Variants in ZFAND3 observed in about 807,000 individuals in gnomAD.
The protein encoded by ZFAND3 is AN1-type zinc finger protein 3.
In ZFAND3, 10 loss-of-function variants were observed where a neutral mutation model predicts 29.6. The ratio of observed to expected loss-of-function variants is 0.34; its 90% confidence interval spans 0.21 to 0.57. ZFAND3 has a LOEUF of 0.57. ZFAND3 is among the 20% of genes least tolerant of loss of function. The pLI is 0.86. For synonymous variants in ZFAND3, 128 were observed against 112.6 expected (o/e 1.14, Z -0.87); for missense variants, 230 against 304.5 (o/e 0.76, Z 1.82).
At chr6:37,889,672 C>G (rs993201330) in intron 1 of ZFAND3, among the ~76,000 whole-genome samples, 3 of 152,146 alleles carry the variant, frequency 2.0e-5, no homozygotes, top group African/African-American at 7.2e-5. Flanking sequence ...TATGACTCCT[C>G]TTGGTGAGTC....
At chr6:37,938,507 T>C (rs1467833976) in intron 2 of ZFAND3, among the ~76,000 whole-genome samples, 1 of 152,186 alleles carries the variant, frequency 6.6e-6, no homozygotes, top group African/African-American at 2.4e-5. Flanking sequence ...CTCTCTCTCT[T>C]TTTTTCAGCA....
chr6:38,027,890 C>T (rs1390088468), intron 2 of ZFAND3, among the ~76,000 whole-genome samples: 1 of 152,146 alleles, frequency 6.6e-6, no homozygotes, highest in African/African-American at 2.4e-5. Flanking sequence ...TCATGACTGC[C>T]CTGCTATGGA....
At chr6:38,130,683 T>C (rs1209451847) in intron 5 of ZFAND3, among the ~76,000 whole-genome samples, 3 of 152,236 alleles carry the variant, frequency 2.0e-5, no homozygotes, top group African/African-American at 7.2e-5. Context: ...TGGTGGATTA[T>C]CTTTTTGATA....
intron 1 of ZFAND3, among the ~76,000 whole-genome samples, chr6:37,905,920 C>T (rs895033121): frequency 4.6e-5 from 7 of 151,790 alleles, no homozygotes; most frequent in Non-Finnish European, 7.4e-5. Context: ...TTTTGACATA[C>T]CTATAATATG....
At chr6:38,050,104 G>A (rs574679294) in intron 2 of ZFAND3, among the ~76,000 whole-genome samples, 2 of 151,516 alleles carry the variant, frequency 1.3e-5, no homozygotes, top group South Asian at 4.2e-4. Flanking sequence ...ACAGGTGCAC[G>A]TCACCACGCC....
At chr6:38,134,755 T>C (rs1280412848) in intron 5 of ZFAND3, among the ~76,000 whole-genome samples, 1 of 152,232 alleles carries the variant, frequency 6.6e-6, no homozygotes, top group Non-Finnish European at 1.5e-5. Flanking sequence ...CCTCAGCTGC[T>C]GGGGCCTGGA....
At chr6:37,862,846 GA>G (rs930133005) in intron 1 of ZFAND3, among the ~76,000 whole-genome samples, 3 of 148,152 alleles carry the variant, frequency 2.0e-5, no homozygotes, top group East Asian at 2.0e-4. Context: ...ATTTTGCTGG[GA>G]AAAAAAAATG....
intron 1 of ZFAND3, among the ~76,000 whole-genome samples, chr6:37,848,513 G>A (rs1764222565): frequency 6.6e-6 from 1 of 152,340 alleles, no homozygotes; most frequent in African/African-American, 2.4e-5. Flanking sequence ...TTCTGCCTAT[G>A]TGCACTATTT....
intron 4 of ZFAND3, among the ~76,000 whole-genome samples, chr6:38,085,138 G>T (rs1475977515): frequency 3.3e-5 from 5 of 152,162 alleles, no homozygotes; most frequent in Non-Finnish European, 1.5e-5. Flanking sequence ...TATTTTGCTG[G>T]AATGTTCTTT....
chr6:37,972,649 C>CTA (rs1465455225), intron 2 of ZFAND3, among the ~76,000 whole-genome samples: 1 of 151,760 alleles, frequency 6.6e-6, no homozygotes, highest in African/African-American at 2.4e-5. Context: ...GGACCAGGTG[C>CTA]TATACTTTAT....
At chr6:37,934,204 A>G (rs1761652559) in intron 2 of ZFAND3, among the ~76,000 whole-genome samples, 1 of 136,364 alleles carries the variant, frequency 7.3e-6, no homozygotes, top group Non-Finnish European at 1.6e-5. Flanking sequence ...TTTTTTTGAG[A>G]CGGAATCTGG....
rs992018870 is a variant in ZFAND3 at position 37,834,273 on chromosome 6, T to A, written c.71+14257T>A. 6.6e-5 allele frequency among the ~76,000 whole-genome samples: 10 copies of A among 152,218 alleles called. No homozygotes were observed. In the East Asian group the frequency reaches 1.7e-3, roughly 26 times the overall value. On this transcript the variant is annotated intron_variant, in intron 1 of 5. Coordinates refer to ENST00000287218, the MANE Select transcript of ZFAND3 (RefSeq NM_021943.3). ...TCATACAGTATGTAGCCTTTTCAGA[T>A]TGACTTCTTTTATATAGTAATAAGC...
intron 2 of ZFAND3, among the ~76,000 whole-genome samples, chr6:37,983,032 G>A (rs1344931221): frequency 6.6e-6 from 1 of 152,136 alleles, no homozygotes; most frequent in Non-Finnish European, 1.5e-5. Flanking sequence ...TATAGAATAA[G>A]GATATAAAGA....
At chr6:38,103,398 T>C (rs570313068) in intron 4 of ZFAND3, among the ~76,000 whole-genome samples, 1 of 147,344 alleles carries the variant, frequency 6.8e-6, no homozygotes, top group Non-Finnish European at 1.5e-5. Flanking sequence ...CACACACATA[T>C]ATATACACAC....
chr6:38,050,525 G>A (rs1764006400), intron 2 of ZFAND3, among the ~76,000 whole-genome samples: 1 of 152,114 alleles, frequency 6.6e-6, no homozygotes, highest in Admixed American at 6.5e-5. Flanking sequence ...GTTCCCATGA[G>A]ATCTGATGGT....
intron 2 of ZFAND3, among the ~76,000 whole-genome samples, chr6:38,049,955 T>TTTTA (rs1581872653): frequency 1.2e-4 from 1 of 8,428 alleles, no homozygotes. Flanking sequence ...ATTTTTTTTT[T>TTTTA]TTTTTTTTTT....
intron 4 of ZFAND3, among the ~76,000 whole-genome samples, chr6:38,095,183 A>G (rs77094854): frequency 6.6e-6 from 1 of 152,216 alleles, no homozygotes; most frequent in South Asian, 2.1e-4. Flanking sequence ...TATGGGTCTA[A>G]TGAAAACAGT....
At chr6:38,129,676 G>C (rs999689487) in intron 5 of ZFAND3, among the ~76,000 whole-genome samples, 2 of 152,108 alleles carry the variant, frequency 1.3e-5, no homozygotes, top group African/African-American at 2.4e-5. Flanking sequence ...CCGTTCGTCT[G>C]TGTGCCTTTT....
At chr6:38,066,052 G>A (rs1764340449) in intron 3 of ZFAND3, among the ~76,000 whole-genome samples, 1 of 152,158 alleles carries the variant, frequency 6.6e-6, no homozygotes, top group Admixed American at 6.5e-5. Context: ...GGGTGGAAGG[G>A]GGGAAGTAGC....
Sources: allele counts gnomAD v4.1 joint callset (sites outside exome capture counted in the v4.1 genomes callset), GRCh38; gene constraint gnomAD v4.1.1; transcripts MANE v1.5; gene names NCBI Gene and HGNC (gene_info 2026-07-23, HGNC 2026-07-21).